SPATA7: variants seen among roughly 807,000 people sequenced by gnomAD.
The protein encoded by SPATA7 is spermatogenesis associated 7.
SPATA7 carries 43 observed loss-of-function variants against 51.8 expected under a neutral mutation model. The observed-to-expected ratio is 0.83, with a 90% CI of 0.65 to 1.07. SPATA7 has a LOEUF of 1.07. Ranked by LOEUF, SPATA7 falls within the 50% of genes least tolerant of loss-of-function variation. The pLI is 0.00. For synonymous variants in SPATA7, 230 were observed against 252.8 expected (o/e 0.91, Z 0.86); for missense variants, 683 against 701.3 (o/e 0.97, Z 0.30).
At chr14:88,404,645 A>C (rs1367469752) in intron 4 of SPATA7, among the ~76,000 whole-genome samples, 1 of 152,058 alleles carries the variant, frequency 6.6e-6, no homozygotes, top group Admixed American at 6.6e-5. Context: ...TGAACCCGGG[A>C]GGGGGAGGTT....
chr14:88,391,642 A>G (rs761329724), intron 2 of SPATA7, 187 bp downstream of exon 2: 11 of 655,624 alleles, frequency 1.7e-5, no homozygotes, highest in Non-Finnish European at 2.2e-5. Flanking sequence ...ATTTCAAACT[A>G]TTATTGTGCC....
At chr14:88,422,686 C>A (rs2076679559) in intron 5 of SPATA7, among the ~76,000 whole-genome samples, 1 of 150,096 alleles carries the variant, frequency 6.7e-6, no homozygotes, top group South Asian at 2.1e-4. Context: ...GCAACTATAA[C>A]CCTATATAAC....
At chr14:88,441,712 AT>A (rs1421195129), downstream of SPATA7, among the ~76,000 whole-genome samples, 3 of 151,678 alleles carry the variant, frequency 2.0e-5, no homozygotes, top group African/African-American at 7.3e-5. Context: ...TTTCTTGCTG[AT>A]TTGTTTGAGT....
chr14:88,426,200 C>G (rs1460627958), intron 5 of SPATA7, 32 bp from the exon 6 acceptor site: 1 of 1,462,590 alleles, frequency 6.8e-7, no homozygotes, highest in East Asian at 2.3e-5. Context: ...ATTCGTAATG[C>G]AGTTGATGAC....
downstream of SPATA7, among the ~76,000 whole-genome samples, chr14:88,455,611 T>C (rs1012525483): frequency 6.6e-6 from 1 of 152,158 alleles, no homozygotes; most frequent in Non-Finnish European, 1.5e-5. Context: ...TTAGAAGAAT[T>C]AAGCTCTTCT....
At chr14:88,460,068 G>A (rs950027999), downstream of SPATA7, among the ~76,000 whole-genome samples, 1 of 152,176 alleles carries the variant, frequency 6.6e-6, no homozygotes, top group Non-Finnish European at 1.5e-5. Context: ...TAGAGTTTCT[G>A]CTGAGATTCG....
chr14:88,431,536 T>G (rs1335598936), intron 9 of SPATA7, among the ~76,000 whole-genome samples: 15 of 152,186 alleles, frequency 9.9e-5, no homozygotes. Context: ...CCTATAGTGG[T>G]ATAGAACACT....
chr14:88,389,069 A>G (rs1402361409), intron 1 of SPATA7, among the ~76,000 whole-genome samples: 1 of 152,196 alleles, frequency 6.6e-6, no homozygotes, highest in Non-Finnish European at 1.5e-5. Flanking sequence ...TTTTCAACAA[A>G]AAGAAATTGC....
At chr14:88,449,324 TG>T (rs1441480785) in intron 3 of SPATA7, among the ~76,000 whole-genome samples, 2 of 152,232 alleles carry the variant, frequency 1.3e-5, no homozygotes, top group Non-Finnish European at 2.9e-5. Flanking sequence ...TTGATTTCAT[TG>T]TTGACCCAGT....
At chr14:88,434,240 A>C (rs2077015700) in intron 10 of SPATA7, among the ~76,000 whole-genome samples, 1 of 152,210 alleles carries the variant, frequency 6.6e-6, no homozygotes, top group African/African-American at 2.4e-5. Flanking sequence ...TGTACCAAAA[A>C]CCAGAATCAA....
rs1396314225 is a variant in SPATA7 at position 88,416,823 on chromosome 14, A to G, written c.351A>G (p.Ser117=). Residue 117 remains serine, a synonymous_variant, in exon 5 of 12, where the codon TCA becomes TCG. Coordinates refer to ENST00000393545, the MANE Select transcript of SPATA7 (RefSeq NM_018418.5). ...CCAATTATAAAAATAATTCCAAGTC[A>G]CTTTTTAATACCTTACAAAAGGTAA... ...MRANYKNNSK[S]LFNTLQKPSG... 1.3e-6 allele frequency: 2 copies of G among 1,597,520 alleles called. No individual in the cohort carries two copies. Among genetic ancestry groups the G allele is most frequent in the African/African-American group, 2.7e-5 (2 of 74,310 alleles).
chr14:88,418,966 G>C (rs2076561855), intron 5 of SPATA7, among the ~76,000 whole-genome samples: 1 of 151,968 alleles, frequency 6.6e-6, no homozygotes, highest in African/African-American at 2.4e-5. Flanking sequence ...CCAGTAGGTG[G>C]ACAATTTTTT....
intron 5 of SPATA7, among the ~76,000 whole-genome samples, chr14:88,419,229 A>G (rs1043757474): frequency 2.0e-5 from 3 of 152,114 alleles, no homozygotes; most frequent in African/African-American, 7.2e-5. Flanking sequence ...ATGTTATTAC[A>G]TTAGAGATAT....
chr14:88,457,792 T>C (rs1336072224), downstream of SPATA7, among the ~76,000 whole-genome samples: 5 of 152,280 alleles, frequency 3.3e-5, no homozygotes, highest in African/African-American at 7.2e-5. Flanking sequence ...AGAGGGCATC[T>C]TTGTCTTGTG....
downstream of SPATA7, among the ~76,000 whole-genome samples, chr14:88,458,572 C>A (rs1301597637): frequency 6.6e-6 from 1 of 152,032 alleles, no homozygotes; most frequent in Non-Finnish European, 1.5e-5. Context: ...GTGGTGATAT[C>A]CCCTTCATCA....
At chr14:88,456,460 T>A (rs1239964079), downstream of SPATA7, among the ~76,000 whole-genome samples, 4 of 152,106 alleles carry the variant, frequency 2.6e-5, no homozygotes, top group East Asian at 1.9e-4. Context: ...TGATTTGCAT[T>A]TCTCTGATGG....
downstream of SPATA7, among the ~76,000 whole-genome samples, chr14:88,443,187 C>T (rs148496905): frequency 3.5e-3 from 535 of 152,242 alleles, 3 homozygotes; most frequent in Non-Finnish European, 5.9e-3. Flanking sequence ...TCGTGGTCCA[C>T]CCGCCTTGGC....
chr14:88,447,701 A>G (rs1448109286), intron 3 of SPATA7, among the ~76,000 whole-genome samples: 1 of 151,808 alleles, frequency 6.6e-6, no homozygotes, highest in East Asian at 1.9e-4. Flanking sequence ...ATCTCTCAGC[A>G]TTTGCTTGTC....
chr14:88,461,909 T>G (rs999828987), intron 4 of SPATA7, among the ~76,000 whole-genome samples: 2 of 152,188 alleles, frequency 1.3e-5, no homozygotes, highest in African/African-American at 4.8e-5. Flanking sequence ...CTTACAGGGG[T>G]TTAAGTATTC....
Sources: allele counts gnomAD v4.1 joint callset (sites outside exome capture counted in the v4.1 genomes callset), GRCh38; gene constraint gnomAD v4.1.1; transcripts MANE v1.5; gene names NCBI Gene and HGNC (gene_info 2026-07-23, HGNC 2026-07-21).